GPT2: variants seen among roughly 807,000 people sequenced by gnomAD.
GPT2 encodes the protein alanine aminotransferase 2.
GPT2 carries 30 observed loss-of-function variants against 56.9 expected under a neutral mutation model. That is an observed-to-expected ratio of 0.53 (90% CI 0.39 to 0.72). The LOEUF (loss-of-function observed/expected upper bound fraction) is 0.72, where lower values mean the gene tolerates loss of function less well. Ranked by LOEUF, GPT2 falls within the 30% of genes least tolerant of loss-of-function variation. GPT2 has a pLI of 0.00. For missense variants in GPT2, 542 were observed against 703.4 expected (o/e 0.77, Z 2.60); for synonymous variants, 271 against 283.1 (o/e 0.96, Z 0.43).
chr16:46,893,685 CT>C (rs1960628688), intron 2 of GPT2, among the ~76,000 whole-genome samples: 1 of 152,208 alleles, frequency 6.6e-6, no homozygotes. Context: ...GTGCCCTCCC[CT>C]GATCCCTGCT....
chr16:46,924,831 G>A (rs112983795), intron 10 of GPT2, among the ~76,000 whole-genome samples: 9 of 152,204 alleles, frequency 5.9e-5, no homozygotes, highest in South Asian at 2.1e-4. Flanking sequence ...AGATGCCTGC[G>A]GGGGAAGCAG....
At position 46,927,040 on chromosome 16, in the gene GPT2, A is replaced by G; in HGVS notation, c.1481+3A>G. On this transcript the variant is annotated splice_donor_region_variant and intron_variant, in intron 11 of 11. Coordinates refer to ENST00000340124, the MANE Select transcript of GPT2 (RefSeq NM_133443.4). Reference sequence around the variant, plus strand: ...AGGGAAGGCACTTACCACTTCAGGTATGACTTCCTCTCCGCACTAGGGGCT... The same window carrying G: ...AGGGAAGGCACTTACCACTTCAGGTGTGACTTCCTCTCCGCACTAGGGGCT... 3.2e-6 allele frequency: 5 copies of G among 1,572,524 alleles called. No homozygotes were observed. Among genetic ancestry groups the G allele is most frequent in the Non-Finnish European group, 4.3e-6 (5 of 1,156,042 alleles).
chr16:46,897,756 C>T lies in GPT2; in HGVS notation c.333+19C>T, dbSNP rs760670044. ...CCGGCAGGTGAGCCGCCCCCAGGAG[C>T]AGAGGCTGCAGGAGGGCAGGGCCCT... On this transcript the variant is annotated intron_variant, in intron 3 of 11. Coordinates refer to ENST00000340124, the MANE Select transcript of GPT2 (RefSeq NM_133443.4). 1.9e-6 allele frequency: 3 copies of T among 1,611,348 alleles called. No homozygotes were observed. The highest frequency in any genetic ancestry group is 3.3e-4 in the Middle Eastern group (2 of 6,006).
intron 10 of GPT2, among the ~76,000 whole-genome samples, chr16:46,925,218 T>C (rs921987991): frequency 1.3e-5 from 2 of 151,728 alleles, no homozygotes; most frequent in Non-Finnish European, 2.9e-5. Flanking sequence ...GCTTGTTTTT[T>C]TGTTTTTTGT....
intron 3 of GPT2, among the ~76,000 whole-genome samples, chr16:46,899,245 G>C (rs1960770030): frequency 6.6e-6 from 1 of 151,836 alleles, no homozygotes; most frequent in African/African-American, 2.4e-5. Context: ...TGTTGCCCAG[G>C]CTGGTCTCGA....
intron 6 of GPT2, chr16:46,916,026 C>T (rs1961152023): frequency 6.5e-6 from 1 of 152,964 alleles, no homozygotes; most frequent in Admixed American, 6.5e-5. Flanking sequence ...AAATACCACA[C>T]CACACCTACA....
In GPT2 at chr16:46,929,845, G is replaced by C. The variant is rs963341208; in HGVS notation, c.*848G>C. On this transcript the variant is annotated 3_prime_UTR_variant, in exon 12 of 12. Coordinates refer to ENST00000340124, the MANE Select transcript of GPT2 (RefSeq NM_133443.4). ...CTGGAATGGTGTGGACCCATCCCGC[G>C]GGTGACCGGTGCCTGTTCTCCCCTG... is the stretch of plus-strand genomic sequence containing the variant. 1 of 152,320 alleles carries C rather than the reference G, an allele frequency of 6.6e-6. No individual in the cohort carries two copies. Among genetic ancestry groups the C allele is most frequent in the Non-Finnish European group, 1.5e-5 (1 of 68,108 alleles). The allele number at this position is 152,320 out of a possible 1,614,324, so 9.4% of individuals were successfully genotyped here. A position where few individuals can be genotyped will look rare whatever the true frequency, so the allele number is the denominator to read the frequency against.
intron 2 of GPT2, among the ~76,000 whole-genome samples, chr16:46,893,512 T>C (rs894739649): frequency 3.9e-5 from 6 of 152,220 alleles, no homozygotes; most frequent in African/African-American, 1.4e-4. Flanking sequence ...GGTGTTCCCT[T>C]CCGTGGGCCG....
At chr16:46,902,107 G>A (rs974538925) in intron 4 of GPT2, among the ~76,000 whole-genome samples, 8 of 152,236 alleles carry the variant, frequency 5.3e-5, no homozygotes, top group African/African-American at 1.2e-4. Flanking sequence ...GACCAGGTAC[G>A]GATTTTTGTT....
At chr16:46,886,223 C>G (rs1034948426) in intron 2 of GPT2, among the ~76,000 whole-genome samples, 1 of 152,324 alleles carries the variant, frequency 6.6e-6, no homozygotes, top group East Asian at 1.9e-4. Flanking sequence ...GGGCAGAGAA[C>G]ACAGGCTGTT....
At chr16:46,920,503 C>T (rs1248030556) in intron 8 of GPT2, among the ~76,000 whole-genome samples, 2 of 152,358 alleles carry the variant, frequency 1.3e-5, no homozygotes, top group Non-Finnish European at 2.9e-5. Context: ...GAGGAAGCCA[C>T]AGAGACTGAG....
rs959338306 is a variant in GPT2 at position 46,887,281 on chromosome 16, A to G, written c.243+2323A>G. Among the ~76,000 whole-genome samples, 12 of 152,310 alleles carry G rather than the reference A, an allele frequency of 7.9e-5. No homozygotes were observed. In the South Asian group the frequency reaches 2.3e-3, roughly 29 times the overall value. On this transcript the variant is annotated intron_variant, in intron 2 of 11. Transcript: ENST00000340124. The stretch of plus-strand genomic sequence containing the variant: ...GCAGGAGTTCGAGACCAGCCTGGCC[A>G]ACATGGGGAAACCCTGTCTCTACTA...
intron 11 of GPT2, 88 bp downstream of exon 11, chr16:46,927,125 AAG>A (rs1214506087): frequency 5.1e-6 from 4 of 783,878 alleles, no homozygotes; most frequent in African/African-American, 3.5e-5. Flanking sequence ...GACTACTTCA[AAG>A]AGAGAGGTGC....
intron 4 of GPT2, among the ~76,000 whole-genome samples, chr16:46,901,962 C>T (rs953696109): frequency 3.9e-5 from 6 of 152,260 alleles, no homozygotes; most frequent in Admixed American, 2.0e-4. Flanking sequence ...CCCCCCTGCA[C>T]CCTCTGCCTG....
chr16:46,885,408 G>C (rs1028276333), intron 2 of GPT2: 34 of 842,378 alleles, frequency 4.0e-5, no homozygotes, highest in African/African-American at 2.6e-4. Context: ...GGGTGGGGGG[G>C]GCTCTGCGGA....
At chr16:46,887,209 C>G (rs537636646) in intron 2 of GPT2, among the ~76,000 whole-genome samples, 1 of 152,278 alleles carries the variant, frequency 6.6e-6, no homozygotes, top group South Asian at 2.1e-4. Flanking sequence ...TGGCTCACGC[C>G]TGTAATCTCA....
intron 3 of GPT2, among the ~76,000 whole-genome samples, chr16:46,898,983 TATATATATAACACAC>T (rs1293543024): frequency 6.0e-5 from 8 of 132,276 alleles, no homozygotes; most frequent in African/African-American, 2.3e-4. Flanking sequence ...CACATATATA[TATATATATAACACAC>T]ATATATATAT....
At chr16:46,901,840 C>T (rs1960824110) in intron 4 of GPT2, among the ~76,000 whole-genome samples, 1 of 152,234 alleles carries the variant, frequency 6.6e-6, no homozygotes, top group Non-Finnish European at 1.5e-5. Context: ...CCTTGCTTTC[C>T]CACCTGCCAG....
intron 2 of GPT2, among the ~76,000 whole-genome samples, chr16:46,893,724 T>A (rs1390754550): frequency 6.6e-6 from 1 of 152,074 alleles, no homozygotes. Flanking sequence ...AGGGGAGCCC[T>A]CCCTGGGAAG....
Sources: gnomAD v4.1 joint callset for allele counts (sites outside exome capture counted in the v4.1 genomes callset) on GRCh38, gnomAD v4.1.1 for gene constraint, MANE v1.5 for transcripts, NCBI Gene and HGNC (gene_info 2026-07-23, HGNC 2026-07-21) for gene names.